Variants in CDH13 observed in about 807,000 individuals in gnomAD.
The protein encoded by CDH13 is cadherin-13.
A neutral mutation model predicts 63.8 loss-of-function variants in CDH13; 24 were observed. The ratio of observed to expected loss-of-function variants is 0.38; its 90% CI spans 0.27 to 0.53. The LOEUF (loss-of-function observed/expected upper bound fraction) is 0.53. Ranked by LOEUF, CDH13 falls within the 20% of genes least tolerant of loss-of-function variation. CDH13 has a pLI of 0.85. For synonymous variants in CDH13, 503 were observed against 355.3 expected, an observed-to-expected ratio of 1.42 and a Z score of -4.67; for missense variants, 1,049 against 903.1, an observed-to-expected ratio of 1.16 and a Z score of -2.07.
chr16:83,646,145 A>T (rs942067326), intron 8 of CDH13, among the ~76,000 whole-genome samples: 3 of 151,660 alleles, frequency 2.0e-5, no homozygotes, highest in Non-Finnish European at 2.9e-5. Flanking sequence ...TTGCACATAG[A>T]CTCTAGACTC....
intron 1 of CDH13, among the ~76,000 whole-genome samples, chr16:82,704,869 G>A (rs1255548790): frequency 6.6e-6 from 1 of 152,144 alleles, no homozygotes; most frequent in East Asian, 1.9e-4. Flanking sequence ...ACCATGCTTA[G>A]CGTGAGCCAT....
At chr16:83,116,702 T>C (rs1177274238) in intron 3 of CDH13, among the ~76,000 whole-genome samples, 1 of 152,220 alleles carries the variant, frequency 6.6e-6, no homozygotes, top group African/African-American at 2.4e-5. Context: ...GTGGTGAGGA[T>C]TGCACAACTC....
At chr16:83,674,128 T>A (rs1001965122) in intron 9 of CDH13, among the ~76,000 whole-genome samples, 2 of 152,148 alleles carry the variant, frequency 1.3e-5, no homozygotes, top group African/African-American at 4.8e-5. Context: ...GGTGCAACCA[T>A]CAGGGATGCA....
chr16:83,020,843 T>C (rs1178618774), intron 2 of CDH13, among the ~76,000 whole-genome samples: 2 of 152,188 alleles, frequency 1.3e-5, no homozygotes, highest in African/African-American at 2.4e-5. Flanking sequence ...CAAAACACAA[T>C]CAGGGTCTGA....
At chr16:82,968,405 G>C (rs1046544460) in intron 2 of CDH13, among the ~76,000 whole-genome samples, 1 of 152,146 alleles carries the variant, frequency 6.6e-6, no homozygotes, top group Non-Finnish European at 1.5e-5. Flanking sequence ...ACTAACTCTT[G>C]AAATAAGAAT....
At chr16:83,348,422 C>T (rs1479840095) in intron 6 of CDH13, among the ~76,000 whole-genome samples, 1 of 152,202 alleles carries the variant, frequency 6.6e-6, no homozygotes, top group Non-Finnish European at 1.5e-5. Flanking sequence ...TTTGTCACCA[C>T]TCATGTCACT....
chr16:83,472,634 G>A (rs1038582145), intron 6 of CDH13, among the ~76,000 whole-genome samples: 8 of 152,160 alleles, frequency 5.3e-5, no homozygotes, highest in African/African-American at 1.7e-4. Context: ...TCTCTCTTCT[G>A]CCAGGTTGTT....
At chr16:83,223,645 C>T (rs896760421) in intron 5 of CDH13, among the ~76,000 whole-genome samples, 3 of 152,206 alleles carry the variant, frequency 2.0e-5, no homozygotes, top group African/African-American at 2.4e-5. Flanking sequence ...TGTGGCCTCC[C>T]GCCACTCACT....
rs772668461 is a variant in CDH13 at position 83,783,337 on chromosome 16, C to T, written c.1999C>T (p.Pro667Ser). 4 of 1,613,912 alleles carry T rather than the reference C, an allele frequency of 2.5e-6. No individual in the cohort carries two copies. The highest frequency in any genetic ancestry group is 3.4e-6 in the Non-Finnish European group (4 of 1,179,834). Residue 667 changes from proline to serine, a missense_variant, in exon 13 of 14, where the codon CCA becomes TCA. By Grantham distance (74) the Pro-to-Ser change is moderately conservative (BLOSUM62 -1). Transcript: ENST00000567109. Reference sequence around the variant, plus strand: ...CATCATGGTGACAGATTCAGGGAAACCACCCATGACGAATATCACAGATCT... The same window carrying T: ...CATCATGGTGACAGATTCAGGGAAATCACCCATGACGAATATCACAGATCT... ...LPIMVTDSGK[P>S]PMTNITDLRV...
At chr16:82,782,950 A>G (rs2035834319) in intron 1 of CDH13, among the ~76,000 whole-genome samples, 1 of 152,154 alleles carries the variant, frequency 6.6e-6, no homozygotes, top group Non-Finnish European at 1.5e-5. Context: ...CTTCCCAAAC[A>G]AGAACATAGA....
intron 4 of CDH13, among the ~76,000 whole-genome samples, chr16:83,127,383 C>G (rs148384721): frequency 6.6e-6 from 1 of 152,082 alleles, no homozygotes; most frequent in East Asian, 1.9e-4. Flanking sequence ...GCAAAGAGAC[C>G]CACTAAGAGG....
chr16:83,595,492 A>C (rs1037981576), intron 7 of CDH13, among the ~76,000 whole-genome samples: 2 of 152,186 alleles, frequency 1.3e-5, no homozygotes, highest in Admixed American at 1.3e-4. Flanking sequence ...CATATTAAAC[A>C]AGGTAAGCTA....
At chr16:82,796,748 T>C (rs903652156) in intron 1 of CDH13, among the ~76,000 whole-genome samples, 3 of 152,212 alleles carry the variant, frequency 2.0e-5, no homozygotes, top group Non-Finnish European at 4.4e-5. Context: ...AATGACCTTT[T>C]AGTTGACGAA....
intron 2 of CDH13, among the ~76,000 whole-genome samples, chr16:82,889,371 A>G (rs2041002106): frequency 6.6e-6 from 1 of 151,960 alleles, no homozygotes; most frequent in Non-Finnish European, 1.5e-5. Context: ...AAATCTATCT[A>G]TAATCTATTA....
intron 5 of CDH13, among the ~76,000 whole-genome samples, chr16:83,339,547 T>C (rs1199187561): frequency 6.6e-6 from 1 of 152,126 alleles, no homozygotes; most frequent in African/African-American, 2.4e-5. Flanking sequence ...CATGGTGGGC[T>C]CTTATTAATA....
At chr16:83,286,088 C>T (rs151000055) in intron 5 of CDH13, among the ~76,000 whole-genome samples, 2 of 152,250 alleles carry the variant, frequency 1.3e-5, no homozygotes, top group African/African-American at 4.8e-5. Context: ...TCCTCCTTGT[C>T]TGGCAAGTCT....
intron 4 of CDH13, among the ~76,000 whole-genome samples, chr16:83,148,911 A>G (rs1232312703): frequency 1.3e-5 from 2 of 152,202 alleles, no homozygotes; most frequent in African/African-American, 4.8e-5. Context: ...ATAGTAGCCT[A>G]AAGAAAATCT....
intron 1 of CDH13, among the ~76,000 whole-genome samples, chr16:82,747,609 C>G (rs1042735653): frequency 1.3e-5 from 2 of 152,158 alleles, no homozygotes; most frequent in Non-Finnish European, 2.9e-5. Context: ...TTAACGAGAC[C>G]TTCAAGTAAT....
At chr16:83,535,047 T>C (rs147979133) in intron 7 of CDH13, among the ~76,000 whole-genome samples, 1 of 152,328 alleles carries the variant, frequency 6.6e-6, no homozygotes, top group Non-Finnish European at 1.5e-5. Flanking sequence ...AAGGTAACAC[T>C]CACAGGTCCT....
Sources: allele counts gnomAD v4.1 joint callset (sites outside exome capture counted in the v4.1 genomes callset), GRCh38; gene constraint gnomAD v4.1.1; transcripts MANE v1.5; gene names NCBI Gene and HGNC (gene_info 2026-07-23, HGNC 2026-07-21).